Variants in DMXL2 observed in about 807,000 individuals in gnomAD.
The protein encoded by DMXL2 is dmX-like protein 2.
In DMXL2, 103 loss-of-function variants were observed where a neutral mutation model predicts 331.1. The ratio of observed to expected loss-of-function variants is 0.31; its 90% CI spans 0.27 to 0.37. DMXL2 has a LOEUF of 0.37. DMXL2 is among the 10% of genes least tolerant of loss of function. DMXL2 has a pLI of 1.00. For missense variants in DMXL2, 3,171 were observed against 3,642.9 expected (o/e 0.87, Z 3.33); for synonymous variants, 1,281 against 1,252.1 (o/e 1.02, Z -0.49).
Position 51,464,732 on chromosome 15 carries a change from G to C in DMXL2, c.7751C>G (p.Ala2584Gly). ...TTTATTTCGAAGAATAGCTGGTCCA[G>C]CTCCCACTGAAAGGTCAGTTGGATA... ...NTYPTDLSVG[A>G]GPAILRNKAM... The change falls in exon 32 of 44, where the codon GCT (alanine) becomes GGT (glycine). Residue 2584 changes from alanine to glycine, a missense_variant. This residue lies in a region of DMXL2 where 766 missense variants were observed against 940.5 expected (regional missense o/e 0.81). Coordinates refer to ENST00000560891, the MANE Select transcript of DMXL2 (RefSeq NM_001378457.1). 6.2e-7 allele frequency: 1 copy of C among 1,614,130 alleles called. No homozygotes were observed. The highest frequency in any genetic ancestry group is 8.5e-7 in the Non-Finnish European group (1 of 1,179,998).
intron 1 of DMXL2, among the ~76,000 whole-genome samples, chr15:51,591,592 A>G (rs980634228): frequency 6.6e-6 from 1 of 152,226 alleles, no homozygotes; most frequent in Non-Finnish European, 1.5e-5. Context: ...TGGTTCTCCC[A>G]GCACTCAGCT....
intron 1 of DMXL2, among the ~76,000 whole-genome samples, chr15:51,576,462 G>A (rs966910572): frequency 2.4e-4 from 36 of 152,216 alleles, no homozygotes; most frequent in African/African-American, 8.7e-4. Context: ...CAGGTCATAA[G>A]TCATTCTGTT....
At chr15:51,462,597 A>G (rs2040222627) in intron 33 of DMXL2, among the ~76,000 whole-genome samples, 3 of 152,222 alleles carry the variant, frequency 2.0e-5, no homozygotes, top group Non-Finnish European at 1.5e-5. Flanking sequence ...TCGGCCTCCC[A>G]AAGTGCTGGG....
intron 14 of DMXL2, among the ~76,000 whole-genome samples, chr15:51,516,419 C>T (rs1450855511): frequency 2.6e-5 from 4 of 152,118 alleles, no homozygotes; most frequent in African/African-American, 9.7e-5. Flanking sequence ...ACAAAAGTAC[C>T]CAACATGGGG....
At chr15:51,492,372 A>G (rs1234616552) in intron 19 of DMXL2, among the ~76,000 whole-genome samples, 1 of 152,256 alleles carries the variant, frequency 6.6e-6, no homozygotes, top group Non-Finnish European at 1.5e-5. Flanking sequence ...AGTTCCAGAA[A>G]ATAATAAGGA....
rs138959269 is a variant in DMXL2 at position 51,505,217 on chromosome 15, G to A, written c.2764+1917C>T. On this transcript the variant is annotated intron_variant, in intron 16 of 43. Coordinates refer to ENST00000560891, the MANE Select transcript of DMXL2 (RefSeq NM_001378457.1). Reference sequence around the variant, plus strand: ...AATGGCAGGATACACTGTTAAATCTGCAGCAAAGATTAGAACAAAAAGATA... The same window carrying A: ...AATGGCAGGATACACTGTTAAATCTACAGCAAAGATTAGAACAAAAAGATA... Among the ~76,000 whole-genome samples the A allele has an allele frequency of 2.0e-5, 3 of 152,314 alleles. No homozygotes were observed. In the East Asian group the frequency reaches 5.8e-4, roughly 29 times the overall value.
At chr15:51,520,612 T>C (rs2047301222) in intron 13 of DMXL2, among the ~76,000 whole-genome samples, 1 of 152,100 alleles carries the variant, frequency 6.6e-6, no homozygotes, top group Non-Finnish European at 1.5e-5. Flanking sequence ...ATCCCAGCAC[T>C]TTGGGGGGCC....
intron 8 of DMXL2, among the ~76,000 whole-genome samples, chr15:51,544,951 CAT>C (rs1321520096): frequency 6.6e-6 from 1 of 151,982 alleles, no homozygotes; most frequent in East Asian, 1.9e-4. Flanking sequence ...CAAAATAATG[CAT>C]ATATCTCATT....
chr15:51,547,881 G>A (rs2048974585), intron 6 of DMXL2, among the ~76,000 whole-genome samples: 1 of 152,066 alleles, frequency 6.6e-6, no homozygotes, highest in African/African-American at 2.4e-5. Flanking sequence ...TCTGCAAAGG[G>A]CCAGATGGTA....
chr15:51,474,780 C>T (rs536911482), intron 27 of DMXL2, among the ~76,000 whole-genome samples, 188 bp from the exon 28 acceptor site: 67 of 152,122 alleles, frequency 4.4e-4, no homozygotes, highest in Non-Finnish European at 8.8e-4. Flanking sequence ...CATTTGTCTA[C>T]ACTGATATAA....
intron 3 of DMXL2, among the ~76,000 whole-genome samples, chr15:51,566,232 GGTGTGTGTGTGTGTGTGTGTGTGT>G (rs71127197): frequency 0.17 from 25,307 of 144,812 alleles, 2,841 homozygotes; most frequent in Non-Finnish European, 0.25. Flanking sequence ...GTGTGTGTGG[GGTGTGTGTGTGTGTGTGTGTGTGT>G]GTGTGTGTGT....
intron 1 of DMXL2, among the ~76,000 whole-genome samples, chr15:51,585,407 C>T (rs370275117): frequency 2.0e-5 from 3 of 150,350 alleles, no homozygotes; most frequent in African/African-American, 4.8e-5. Context: ...TTGTCTTTGG[C>T]TCTGTTTATA....
chr15:51,614,817 T>C (rs1181444894), intron 1 of DMXL2, among the ~76,000 whole-genome samples: 1 of 152,188 alleles, frequency 6.6e-6, no homozygotes, highest in Non-Finnish European at 1.5e-5. Context: ...AAGTCTGGAA[T>C]AAGGGGCTAA....
At chr15:51,586,120 A>G (rs1003862276) in intron 1 of DMXL2, among the ~76,000 whole-genome samples, 2 of 152,242 alleles carry the variant, frequency 1.3e-5, no homozygotes, top group Admixed American at 6.5e-5. Context: ...AGCAAAATAA[A>G]TACATGAAAA....
intron 1 of DMXL2, among the ~76,000 whole-genome samples, chr15:51,587,764 A>C (rs989690258): frequency 6.6e-6 from 1 of 152,210 alleles, no homozygotes; most frequent in African/African-American, 2.4e-5. Flanking sequence ...ACAATGGTTG[A>C]ACCAGTTTAC....
At chr15:51,590,364 G>C (rs1047879250) in intron 1 of DMXL2, among the ~76,000 whole-genome samples, 4 of 152,168 alleles carry the variant, frequency 2.6e-5, no homozygotes, top group African/African-American at 9.7e-5. Flanking sequence ...AACACAAAAA[G>C]AGGAACAGAC....
intron 2 of DMXL2, among the ~76,000 whole-genome samples, chr15:51,571,877 C>T (rs974607091): frequency 6.6e-6 from 1 of 152,002 alleles, no homozygotes; most frequent in African/African-American, 2.4e-5. Context: ...ATTAAAAGAA[C>T]TAGAGAAGCA....
In DMXL2 at chr15:51,593,792, C is replaced by G. The variant is rs544487663; in HGVS notation, c.88-17611G>C. ...AAAACCGCTCAACTACATGGAAACT[C>G]AACAACCTGCTCCTGAATGACTACT... On this transcript the variant is annotated intron_variant, in intron 1 of 43. Coordinates refer to ENST00000560891, the MANE Select transcript of DMXL2 (RefSeq NM_001378457.1). Among the ~76,000 whole-genome samples the G allele has an allele frequency of 9.2e-5, 14 of 152,224 alleles. No homozygotes were observed. The South Asian group carries it at 2.5e-3, about 27-fold the overall frequency.
chr15:51,518,795 A>G (rs954561298), intron 13 of DMXL2, among the ~76,000 whole-genome samples: 2 of 152,142 alleles, frequency 1.3e-5, no homozygotes, highest in African/African-American at 2.4e-5. Context: ...TGCCAGCACT[A>G]TAATTAACAG....
Sources: gnomAD v4.1 joint callset for allele counts (sites outside exome capture counted in the v4.1 genomes callset) on GRCh38, gnomAD v4.1.1 for gene constraint, gnomAD v4.1.1 regional missense constraint, MANE v1.5 for transcripts, NCBI Gene and HGNC (gene_info 2026-07-23, HGNC 2026-07-21) for gene names.